DNAJC1: variants seen among roughly 807,000 people sequenced by gnomAD.
The protein encoded by DNAJC1 is dnaJ homolog subfamily C member 1.
A neutral mutation model predicts 76.6 loss-of-function variants in DNAJC1; 58 were observed. The ratio of observed to expected loss-of-function variants is 0.76; its 90% CI spans 0.61 to 0.94. The LOEUF is 0.94. Among genes scored for constraint, DNAJC1 ranks in the 40% least tolerant of loss-of-function variants. DNAJC1 has a pLI of 0.00. For missense variants in DNAJC1, 689 were observed against 677.3 expected (o/e 1.02, Z -0.19); for synonymous variants, 258 against 267.9 (o/e 0.96, Z 0.36).
At position 21,909,008 on chromosome 10, in the gene DNAJC1, T is replaced by A. The variant is rs1023181097; in HGVS notation, c.730-4396A>T. Among the ~76,000 whole-genome samples the A allele has an allele frequency of 4.6e-5, 7 of 152,116 alleles. No homozygotes were observed. In the South Asian group the frequency reaches 6.2e-4, roughly 14 times the overall value. On this transcript the variant is annotated intron_variant, in intron 6 of 11. Coordinates refer to ENST00000376980, the MANE Select transcript of DNAJC1 (RefSeq NM_022365.4). ...TTAAGCAATTATCCCTGCCTCAGCC[T>A]CCCAAGTAGCTGGGATAACAGGTGC...
intron 9 of DNAJC1, among the ~76,000 whole-genome samples, chr10:21,795,569 TGG>T (rs1280715787): frequency 6.6e-6 from 1 of 152,210 alleles, no homozygotes; most frequent in Non-Finnish European, 1.5e-5. Context: ...TGATTGCTAA[TGG>T]GATTGAGGGA....
intron 8 of DNAJC1, among the ~76,000 whole-genome samples, chr10:21,836,109 C>G (rs1215135158): frequency 6.6e-6 from 1 of 152,204 alleles, no homozygotes; most frequent in Non-Finnish European, 1.5e-5. Context: ...GGAAGCCCAT[C>G]AGACTAACAG....
chr10:21,759,718 C>T (rs952168618), intron 10 of DNAJC1, 100 bp from the exon 11 acceptor site: 2 of 1,041,294 alleles, frequency 1.9e-6, no homozygotes, highest in Non-Finnish European at 2.8e-6. Context: ...GCGCACTAGG[C>T]ATTTTGCATG....
At chr10:21,780,937 G>A (rs11012786) in intron 9 of DNAJC1, among the ~76,000 whole-genome samples, 87,002 of 151,942 alleles carry the variant, frequency 0.57, 26,770 homozygotes, top group East Asian at 0.95. Flanking sequence ...AAGAAAAGCA[G>A]GGGTTGCAAT....
intron 1 of DNAJC1, among the ~76,000 whole-genome samples, chr10:21,969,946 A>T (rs1045201207): frequency 5.3e-5 from 8 of 152,112 alleles, no homozygotes; most frequent in African/African-American, 1.7e-4. Flanking sequence ...TTCATAAAGT[A>T]TATTTATCTG....
intron 7 of DNAJC1, among the ~76,000 whole-genome samples, chr10:21,898,216 A>T (rs1235885131): frequency 6.6e-6 from 1 of 152,264 alleles, no homozygotes; most frequent in Non-Finnish European, 1.5e-5. Context: ...ATCAATGAAG[A>T]TATAAATAAT....
intron 8 of DNAJC1, among the ~76,000 whole-genome samples, chr10:21,863,702 A>G (rs2131701107): frequency 6.6e-6 from 1 of 152,268 alleles, no homozygotes; most frequent in South Asian, 2.1e-4. Context: ...TTTAAAATAA[A>G]CCAGTAGAAT....
intron 1 of DNAJC1, among the ~76,000 whole-genome samples, chr10:21,986,599 T>C (rs1447524556): frequency 1.3e-5 from 2 of 152,150 alleles, no homozygotes; most frequent in South Asian, 2.1e-4. Context: ...GGGATGATCA[T>C]ATTTTTCGTT....
chr10:21,895,934 G>GCAGGCCACCACTT lies in DNAJC1; in HGVS notation c.820+8575_820+8587dup, dbSNP rs532479100. Among the ~76,000 whole-genome samples the GCAGGCCACCACTT allele has an allele frequency of 3.9e-5, 6 of 152,258 alleles. No homozygotes were observed. The East Asian group carries it at 7.7e-4, about 20-fold the overall frequency. On this transcript the variant is annotated intron_variant, in intron 7 of 11. Coordinates refer to ENST00000376980, the MANE Select transcript of DNAJC1 (RefSeq NM_022365.4). ...CTCAGTCACCTCAGGTACAGCTCATGCAGGCCACCACTTCAGGCCACCACT... is the reference window on the plus strand; with the variant it reads ...CTCAGTCACCTCAGGTACAGCTCATGCAGGCCACCACTTCAGGCCACCACTTCAGGCCACCACT...
At chr10:21,813,552 C>T (rs544393197) in intron 8 of DNAJC1, among the ~76,000 whole-genome samples, 16 of 152,104 alleles carry the variant, frequency 1.1e-4, no homozygotes, top group African/African-American at 3.9e-4. Context: ...CCCACCATCA[C>T]GCCCAGCTAA....
At chr10:21,875,834 A>C (rs1836178498) in intron 8 of DNAJC1, among the ~76,000 whole-genome samples, 1 of 152,158 alleles carries the variant, frequency 6.6e-6, no homozygotes, top group Non-Finnish European at 1.5e-5. Flanking sequence ...CTGAGGCAGG[A>C]GAATCACTTG....
At chr10:21,826,482 T>C (rs1219885830) in intron 8 of DNAJC1, among the ~76,000 whole-genome samples, 1 of 152,162 alleles carries the variant, frequency 6.6e-6, no homozygotes, top group Non-Finnish European at 1.5e-5. Context: ...ATGGTATCCT[T>C]TGATATACAA....
At chr10:21,795,360 C>T in intron 9 of DNAJC1, among the ~76,000 whole-genome samples, 1 of 152,288 alleles carries the variant, frequency 6.6e-6, no homozygotes, top group Middle Eastern at 3.4e-3. Flanking sequence ...CTTCAAATAC[C>T]TTTCGCCAAG....
intron 1 of DNAJC1, among the ~76,000 whole-genome samples, chr10:21,961,491 A>T (rs1302749235): frequency 6.6e-6 from 1 of 152,214 alleles, no homozygotes; most frequent in African/African-American, 2.4e-5. Flanking sequence ...AAATATTGTT[A>T]TGATTCCACT....
intron 9 of DNAJC1, among the ~76,000 whole-genome samples, chr10:21,794,636 A>G (rs1311384001): frequency 3.9e-5 from 6 of 152,196 alleles, no homozygotes; most frequent in Non-Finnish European, 8.8e-5. Context: ...TGTAGGAGAA[A>G]TTCTTTGCTA....
At chr10:21,795,523 T>C (rs542300559) in intron 9 of DNAJC1, among the ~76,000 whole-genome samples, 29 of 151,854 alleles carry the variant, frequency 1.9e-4, no homozygotes, top group African/African-American at 7.0e-4. Context: ...GAAAAGAAAA[T>C]AGATCAGTGT....
chr10:21,881,053 T>C (rs937528882), intron 8 of DNAJC1, among the ~76,000 whole-genome samples: 1 of 152,256 alleles, frequency 6.6e-6, no homozygotes, highest in Non-Finnish European at 1.5e-5. Context: ...TTTTATGTTA[T>C]GGAGACAGCT....
At chr10:21,887,463 C>T (rs1199724594) in intron 7 of DNAJC1, among the ~76,000 whole-genome samples, 1 of 152,074 alleles carries the variant, frequency 6.6e-6, no homozygotes, top group Non-Finnish European at 1.5e-5. Flanking sequence ...AAACTGGAGG[C>T]ATCACACTAC....
Position 22,000,476 on chromosome 10 carries a change from T to C in DNAJC1, c.222+2737A>G, listed in dbSNP as rs373305336. Among the ~76,000 whole-genome samples, 4 of 152,330 alleles carry C rather than the reference T, an allele frequency of 2.6e-5. No individual in the cohort carries two copies. The East Asian group carries it at 7.7e-4, about 29-fold the overall frequency. ...CTTGTCTCCTATTGCTGTTCTCCCA[T>C]TACTGTTTTCCTTGATCACTCTGCT... is the stretch of plus-strand genomic sequence containing the variant. On this transcript the variant is annotated intron_variant, in intron 1 of 11. Transcript: ENST00000376980.
Sources: gnomAD v4.1 joint callset for allele counts (sites outside exome capture counted in the v4.1 genomes callset) on GRCh38, gnomAD v4.1.1 for gene constraint, MANE v1.5 for transcripts, NCBI Gene and HGNC (gene_info 2026-07-23, HGNC 2026-07-21) for gene names.